FAM149B1: variants seen among roughly 807,000 people sequenced by gnomAD.
The protein encoded by FAM149B1 is primary cilium assembly protein FAM149B1.
In FAM149B1, 56 loss-of-function variants were observed where a neutral mutation model predicts 75.3. The observed-to-expected ratio is 0.74, with a 90% confidence interval of 0.60 to 0.93. The LOEUF is 0.93. FAM149B1 is among the 40% of genes least tolerant of loss of function. The probability of loss-of-function intolerance (pLI) is 0.00; values close to 1 mark genes in which losing one functional copy is unlikely to be tolerated. For missense variants in FAM149B1, 639 were observed against 708.4 expected, an observed-to-expected ratio of 0.90 and a Z score of 1.11; for synonymous variants, 259 against 256.1, an observed-to-expected ratio of 1.01 and a Z score of -0.11.
chr10:73,209,598 A>G (rs993854243), intron 6 of FAM149B1, among the ~76,000 whole-genome samples: 3 of 152,218 alleles, frequency 2.0e-5, no homozygotes, highest in Non-Finnish European at 4.4e-5. Flanking sequence ...GATATGATTT[A>G]TCTTCTTTAC....
intron 3 of FAM149B1, among the ~76,000 whole-genome samples, chr10:73,186,626 A>G (rs187959984): frequency 6.6e-6 from 1 of 152,372 alleles, no homozygotes; most frequent in African/African-American, 2.4e-5. Context: ...CTAATAAATT[A>G]GTTCAGTTAG....
intron 8 of FAM149B1, among the ~76,000 whole-genome samples, chr10:73,229,990 T>C (rs1385275919): frequency 6.6e-6 from 1 of 152,094 alleles, no homozygotes; most frequent in South Asian, 2.1e-4. Flanking sequence ...GCTCCACAGG[T>C]AGTGAAAGAG....
chr10:73,170,147 T>C (rs1407689842), intron 1 of FAM149B1, among the ~76,000 whole-genome samples: 3 of 152,180 alleles, frequency 2.0e-5, no homozygotes, highest in Admixed American at 6.5e-5. Context: ...ACGTGACTTT[T>C]AGGCAAATTA....
intron 7 of FAM149B1, among the ~76,000 whole-genome samples, chr10:73,218,274 G>A (rs1334558938): frequency 3.3e-5 from 5 of 152,068 alleles, no homozygotes; most frequent in African/African-American, 1.2e-4. Flanking sequence ...CCATTCTCTG[G>A]GTGCCTGGTT....
intron 1 of FAM149B1, among the ~76,000 whole-genome samples, chr10:73,173,993 G>C (rs966878360): frequency 6.6e-6 from 1 of 152,114 alleles, no homozygotes; most frequent in Admixed American, 6.6e-5. Context: ...CATCCAAGTT[G>C]TTGCATGTAT....
intron 3 of FAM149B1, among the ~76,000 whole-genome samples, chr10:73,186,079 C>A (rs906995736): frequency 6.6e-6 from 1 of 152,050 alleles, no homozygotes; most frequent in African/African-American, 2.4e-5. Flanking sequence ...GGATTATTTA[C>A]CCTGACCAAG....
At chr10:73,217,921 C>T (rs761593384) in intron 7 of FAM149B1, among the ~76,000 whole-genome samples, 13 of 152,182 alleles carry the variant, frequency 8.5e-5, no homozygotes, top group Non-Finnish European at 1.8e-4. Flanking sequence ...AGTCCCATCC[C>T]ATTGTAGCAT....
intron 5 of FAM149B1, among the ~76,000 whole-genome samples, chr10:73,196,860 A>C (rs2042815588): frequency 6.6e-6 from 1 of 152,212 alleles, no homozygotes; most frequent in South Asian, 2.1e-4. Flanking sequence ...TATTTGGTTC[A>C]GTTCTCTAGG....
In FAM149B1 at chr10:73,242,678, C is replaced by T. The variant is rs181026097; in HGVS notation, c.*1659C>T. The T allele has an allele frequency of 6.6e-6, 1 of 152,318 alleles. No homozygotes were observed. Among genetic ancestry groups the T allele is most frequent in the East Asian group, 1.9e-4 (1 of 5,188 alleles). 9.4% of individuals were successfully genotyped at this position (152,318 alleles called of 1,614,324 possible). A position where few individuals can be genotyped will look rare whatever the true frequency, so the allele number is the denominator to read the frequency against. ...TCAGTAATCAGTGGCAGGACTACAA[C>T]ATACATCTCTTCATGCTAGGGAAAC... On this transcript the variant is annotated 3_prime_UTR_variant, in exon 14 of 14. Transcript: ENST00000242505.
chr10:73,190,332 G>T (rs1207231744), intron 3 of FAM149B1, among the ~76,000 whole-genome samples: 1 of 149,734 alleles, frequency 6.7e-6, no homozygotes, highest in Admixed American at 6.7e-5. Flanking sequence ...TTGCTATATT[G>T]TCCAGGTTGG....
Position 73,208,728 on chromosome 10 carries a change from T to C in FAM149B1, c.652T>C (p.Ser218Pro). The change falls in exon 6 of 14, where the codon TCT becomes CCT. Residue 218 changes from serine (S) to proline (P), a missense_variant. Ser to Pro is a moderately conservative substitution (Grantham distance 74). Transcript: ENST00000242505. The part of the protein sequence containing the change: ...FCSMERDEED[S>P]IIVSEGIIEE... ...TTCTATGGAAAGAGATGAGGAAGAC[T>C]CTATAATCGTCTCAGAAGGAATAAT... The C allele has an allele frequency of 6.5e-7, 1 of 1,544,700 alleles. No homozygotes were observed. The highest frequency in any genetic ancestry group is 8.8e-7 in the Non-Finnish European group (1 of 1,142,762).
chr10:73,194,453 C>T (rs771530416), intron 5 of FAM149B1, among the ~76,000 whole-genome samples: 17 of 150,618 alleles, frequency 1.1e-4, no homozygotes, highest in Admixed American at 4.6e-4. Context: ...AGTGCAGTGG[C>T]GCAGTCTTGG....
chr10:73,173,099 A>G (rs1435255340), intron 1 of FAM149B1, among the ~76,000 whole-genome samples: 1 of 152,154 alleles, frequency 6.6e-6, no homozygotes, highest in African/African-American at 2.4e-5. Context: ...AGCTTGGACA[A>G]CACAGCAAGA....
At chr10:73,238,173 C>T (rs561863462) in intron 12 of FAM149B1, among the ~76,000 whole-genome samples, 4 of 152,066 alleles carry the variant, frequency 2.6e-5, no homozygotes, top group East Asian at 1.9e-4. Flanking sequence ...TGGTGAAACC[C>T]GTTTCTATTA....
At chr10:73,207,241 A>G (rs1055809640) in intron 5 of FAM149B1, among the ~76,000 whole-genome samples, 1 of 152,076 alleles carries the variant, frequency 6.6e-6, no homozygotes, top group African/African-American at 2.4e-5. Context: ...AGAATGATAG[A>G]TTCACCTTGC....
chr10:73,202,708 TG>T (rs1423338809), intron 5 of FAM149B1, among the ~76,000 whole-genome samples: 1 of 151,500 alleles, frequency 6.6e-6, no homozygotes, highest in Non-Finnish European at 1.5e-5. Context: ...TTTGTTTGTT[TG>T]AGACAGGGCC....
chr10:73,185,974 C>A (rs545216087), intron 3 of FAM149B1, among the ~76,000 whole-genome samples: 1 of 152,226 alleles, frequency 6.6e-6, no homozygotes, highest in African/African-American at 2.4e-5. Context: ...GACCTTGATA[C>A]CAAAGTTAGT....
chr10:73,191,197 C>T (rs921886023), intron 3 of FAM149B1, among the ~76,000 whole-genome samples: 14 of 151,850 alleles, frequency 9.2e-5, no homozygotes, highest in East Asian at 3.9e-4. Context: ...TGAGCCGTGA[C>T]GCCCAGCTAA....
chr10:73,243,199 C>T lies in FAM149B1; in HGVS notation c.*2180C>T, dbSNP rs2043973480. 1 of 571,884 alleles carries T rather than the reference C, an allele frequency of 1.7e-6. No individual in the cohort carries two copies. Among genetic ancestry groups the T allele is most frequent in the Non-Finnish European group, 3.0e-6 (1 of 329,016 alleles). The allele number at this position is 571,884 out of a possible 1,614,324, so 35.4% of individuals were successfully genotyped here. A position where few individuals can be genotyped will look rare whatever the true frequency, so the allele number is the denominator to read the frequency against. ...CACCACCAAGTTCCTTCAGGTGAGA[C>T]CTCACACAATGTCAAGTGCTTTCTA... is the stretch of plus-strand genomic sequence containing the variant. On this transcript the variant is annotated 3_prime_UTR_variant, in exon 14 of 14. Transcript: ENST00000242505.
Sources: gnomAD v4.1 joint callset for allele counts (sites outside exome capture counted in the v4.1 genomes callset) on GRCh38, gnomAD v4.1.1 for gene constraint, MANE v1.5 for transcripts, NCBI Gene and HGNC (gene_info 2026-07-23, HGNC 2026-07-21) for gene names.